The following SLC35F2 variants were observed in gnomAD, a reference collection of about 807,000 sequenced individuals.
SLC35F2 encodes queuine/queuosine transporter SLC35F2.
In SLC35F2, 25 loss-of-function variants were observed where a neutral mutation model predicts 38.1. The observed-to-expected ratio is 0.66, with a 90% CI of 0.48 to 0.92. The LOEUF (loss-of-function observed/expected upper bound fraction) is 0.92. Ranked by LOEUF, SLC35F2 falls within the 40% of genes least tolerant of loss-of-function variation. The pLI is 0.00. For missense variants in SLC35F2, 409 were observed against 452.9 expected, an observed-to-expected ratio of 0.90 and a Z score of 0.88; for synonymous variants, 173 against 181.7, an observed-to-expected ratio of 0.95 and a Z score of 0.38.
At chr11:107,823,837 G>C (rs1231148660) in intron 1 of SLC35F2, 1 of 220,972 alleles carries the variant, frequency 4.5e-6, no homozygotes, top group African/African-American at 2.4e-5. Flanking sequence ...GCTGAGGCAA[G>C]AGAATCACTT....
chr11:107,835,046 A>C (rs1177021106), intron 1 of SLC35F2, among the ~76,000 whole-genome samples: 1 of 152,246 alleles, frequency 6.6e-6, no homozygotes. Context: ...AGTCCTGTAG[A>C]AAATGAGAGA....
chr11:107,843,865 AAAAATATAT>A (rs1433123387), intron 1 of SLC35F2, among the ~76,000 whole-genome samples: 44 of 35,286 alleles, frequency 1.2e-3, no homozygotes, highest in African/African-American at 3.4e-3. Flanking sequence ...AAAAAAAAAA[AAAAATATAT>A]ATATATATAT....
chr11:107,858,515 G>A, intron 1 of SLC35F2, 143 bp downstream of exon 1: 1 of 662,640 alleles, frequency 1.5e-6, no homozygotes, highest in East Asian at 3.4e-5. Context: ...TGTGCGTGTT[G>A]AGCCCCGAAC....
chr11:107,795,260 T>C (rs138378625), intron 7 of SLC35F2, among the ~76,000 whole-genome samples: 2 of 151,992 alleles, frequency 1.3e-5, no homozygotes, highest in Non-Finnish European at 2.9e-5. Flanking sequence ...CAAAACAGCA[T>C]GGTATTAGTA....
At position 107,854,284 on chromosome 11, in the gene SLC35F2, A is replaced by AC. The variant is rs397768862; in HGVS notation, c.110+4373dup. ...CTGTCTCTACGGAAAAAAAAAAAAAACTAGTAGTGCGTGGCAGTGCATGCC... is the reference window on the plus strand; with the variant it reads ...CTGTCTCTACGGAAAAAAAAAAAAAACCTAGTAGTGCGTGGCAGTGCATGCC... On this transcript the variant is annotated intron_variant, in intron 1 of 7. Coordinates refer to ENST00000525815, the MANE Select transcript of SLC35F2 (RefSeq NM_017515.5). 1.9e-3 allele frequency among the ~76,000 whole-genome samples: 283 copies of AC among 150,962 alleles called. 3 individuals are homozygous for AC. The highest frequency in any genetic ancestry group is 3.4e-3 in the Middle Eastern group (1 of 292).
chr11:107,817,746 G>A (rs968934354), intron 1 of SLC35F2, among the ~76,000 whole-genome samples: 7 of 151,862 alleles, frequency 4.6e-5, no homozygotes, highest in South Asian at 4.2e-4. Context: ...ACATGTATCC[G>A]TGTATCTATC....
chr11:107,845,020 G>A (rs1051321479), intron 1 of SLC35F2, among the ~76,000 whole-genome samples: 1 of 150,788 alleles, frequency 6.6e-6, no homozygotes. Context: ...AATTCACCCT[G>A]AGATCCCAGA....
intron 7 of SLC35F2, among the ~76,000 whole-genome samples, chr11:107,800,807 G>A (rs1335897411): frequency 6.6e-6 from 1 of 151,892 alleles, no homozygotes; most frequent in African/African-American, 2.4e-5. Context: ...GCTGAAAAGA[G>A]GTATTTCTAA....
chr11:107,816,477 G>C (rs1246461436), intron 1 of SLC35F2, among the ~76,000 whole-genome samples: 3 of 137,110 alleles, frequency 2.2e-5, no homozygotes, highest in African/African-American at 5.6e-5. Context: ...TGTGGAGATG[G>C]GGTTTCACTA....
At chr11:107,810,911 GT>G in intron 3 of SLC35F2, 1 of 979,956 alleles carries the variant, frequency 1.0e-6, no homozygotes, top group Non-Finnish European at 1.2e-6. Context: ...ATATCAAAAA[GT>G]TATAAACTTC....
chr11:107,825,357 CTTTCTTTTTTTTTTTTTT>C (rs1469722724), intron 1 of SLC35F2, among the ~76,000 whole-genome samples: 4 of 133,968 alleles, frequency 3.0e-5, no homozygotes, highest in East Asian at 2.2e-4. Flanking sequence ...TTCCGCATTT[CTTTCTTTTTTTTTTTTTT>C]TTTCTTTTTT....
intron 2 of SLC35F2, among the ~76,000 whole-genome samples, chr11:107,814,782 G>C (rs1012769553): frequency 2.0e-5 from 3 of 152,174 alleles, no homozygotes; most frequent in African/African-American, 7.2e-5. Context: ...GGGCAACGTG[G>C]TGAAACCCTG....
chr11:107,828,828 C>T lies in SLC35F2; in HGVS notation c.111-12863G>A, dbSNP rs548557948. Among the ~76,000 whole-genome samples, 19 of 152,216 alleles carry T rather than the reference C, an allele frequency of 1.2e-4. No individual in the cohort carries two copies. In the South Asian group the frequency reaches 3.3e-3, roughly 27 times the overall value. ...ACTCATGCTGAAACTTAATCCCGGC[C>T]GGGCGCAGTGACTCATGCCTGTAAT... On this transcript the variant is annotated intron_variant, in intron 1 of 7. Transcript: ENST00000525815.
At chr11:107,811,646 G>A (rs745790002) in intron 3 of SLC35F2, 21 bp downstream of exon 3, 21 of 1,592,616 alleles carry the variant, frequency 1.3e-5, no homozygotes, top group Non-Finnish European at 1.7e-5. Flanking sequence ...AATCCAAAGT[G>A]GTCAGAGGGC....
chr11:107,821,712 C>A (rs151071315), intron 1 of SLC35F2: 1 of 743,050 alleles, frequency 1.3e-6, no homozygotes, highest in Non-Finnish European at 1.6e-6. Context: ...TATCCTGTCC[C>A]GGTTTTACTA....
intron 1 of SLC35F2, among the ~76,000 whole-genome samples, chr11:107,816,669 T>C (rs1859579709): frequency 6.6e-6 from 1 of 152,158 alleles, no homozygotes; most frequent in Admixed American, 6.5e-5. Flanking sequence ...ACGTATTTTC[T>C]GGATCAGATA....
chr11:107,841,531 C>T (rs1033993064), intron 1 of SLC35F2, among the ~76,000 whole-genome samples: 7 of 144,236 alleles, frequency 4.9e-5, no homozygotes, highest in Non-Finnish European at 1.0e-4. Flanking sequence ...CCACTGCACT[C>T]CAGCCTAGAC....
chr11:107,798,253 C>T (rs1254670411), intron 7 of SLC35F2, among the ~76,000 whole-genome samples: 1 of 152,180 alleles, frequency 6.6e-6, no homozygotes, highest in African/African-American at 2.4e-5. Context: ...ACCCACTCAC[C>T]TCAGTCTCCC....
intron 7 of SLC35F2, among the ~76,000 whole-genome samples, chr11:107,799,672 C>A (rs1285466791): frequency 6.6e-6 from 1 of 150,850 alleles, no homozygotes; most frequent in Non-Finnish European, 1.5e-5. Flanking sequence ...CTCACTGCAA[C>A]CTCCACCTCC....
Sources: allele counts gnomAD v4.1 joint callset (sites outside exome capture counted in the v4.1 genomes callset), GRCh38; gene constraint gnomAD v4.1.1; transcripts MANE v1.5; gene names NCBI Gene and HGNC (gene_info 2026-07-23, HGNC 2026-07-21).